The following ACER3 variants were observed in gnomAD, a reference collection of about 807,000 sequenced individuals.
The protein encoded by ACER3 is alkaline ceramidase 3.
In ACER3, 16 loss-of-function variants were observed where a neutral mutation model predicts 48.9. The ratio of observed to expected loss-of-function variants is 0.33; its 90% CI spans 0.22 to 0.50. ACER3 has a LOEUF of 0.50. Among genes scored for constraint, ACER3 ranks in the 20% least tolerant of loss-of-function variants. ACER3 has a pLI of 0.98. For missense variants in ACER3, 227 were observed against 326.0 expected (o/e 0.70, Z 2.34); for synonymous variants, 109 against 107.8 (o/e 1.01, Z -0.07).
intron 6 of ACER3, among the ~76,000 whole-genome samples, chr11:76,996,431 T>TA (rs1948912910): frequency 1.4e-5 from 2 of 141,036 alleles, no homozygotes; most frequent in Admixed American, 1.4e-4. Context: ...TTATTATTAT[T>TA]TTTTGAGACA....
At chr11:76,950,390 T>C (rs1947623282) in intron 2 of ACER3, among the ~76,000 whole-genome samples, 2 of 30,964 alleles carry the variant, frequency 6.5e-5, no homozygotes, top group South Asian at 1.0e-3. Context: ...TATATATATA[T>C]ATATATATAT....
intron 1 of ACER3, among the ~76,000 whole-genome samples, chr11:76,886,571 G>A (rs1245499674): frequency 6.6e-6 from 1 of 152,212 alleles, no homozygotes; most frequent in Non-Finnish European, 1.5e-5. Flanking sequence ...TGGCTGCAAA[G>A]GAGGATTTTG....
intron 1 of ACER3, among the ~76,000 whole-genome samples, chr11:76,902,048 AT>A (rs34230393): frequency 0.6 from 89,383 of 150,148 alleles, 28,717 homozygotes; most frequent in Non-Finnish European, 0.74. Context: ...CCCTTGTGGC[AT>A]TTTTTTTTTC....
At chr11:76,998,670 C>T (rs1223087941) in intron 6 of ACER3, 93 bp from the exon 7 acceptor site, 3 of 787,484 alleles carry the variant, frequency 3.8e-6, no homozygotes, top group African/African-American at 3.7e-5. Context: ...TAAATATTTA[C>T]ATTTAATTGG....
intron 2 of ACER3, among the ~76,000 whole-genome samples, chr11:76,944,767 G>A (rs1000590306): frequency 2.0e-5 from 3 of 152,064 alleles, no homozygotes; most frequent in Non-Finnish European, 4.4e-5. Flanking sequence ...GACTTGGAAA[G>A]TTTTTATTGA....
chr11:76,904,278 TG>T (rs1329838934), intron 1 of ACER3, among the ~76,000 whole-genome samples: 4 of 152,124 alleles, frequency 2.6e-5, no homozygotes, highest in African/African-American at 9.7e-5. Flanking sequence ...ATTACAGGCG[TG>T]AGCTACTGCA....
At chr11:76,898,500 C>T (rs1393603752) in intron 1 of ACER3, among the ~76,000 whole-genome samples, 1 of 152,114 alleles carries the variant, frequency 6.6e-6, no homozygotes, top group African/African-American at 2.4e-5. Context: ...TGCTGCTATG[C>T]CCAACTTATA....
intron 4 of ACER3, among the ~76,000 whole-genome samples, chr11:76,985,373 A>C (rs898046322): frequency 1.1e-4 from 17 of 152,006 alleles, no homozygotes; most frequent in Admixed American, 1.0e-3. Context: ...CGCCCAGCTA[A>C]CTCTCTATAC....
At chr11:76,908,450 A>G (rs1272284944) in intron 1 of ACER3, among the ~76,000 whole-genome samples, 2 of 92,474 alleles carry the variant, frequency 2.2e-5, no homozygotes, top group Non-Finnish European at 3.2e-5. Context: ...CTATACACCA[A>G]TAGTAGACAA....
intron 2 of ACER3, among the ~76,000 whole-genome samples, chr11:76,944,942 A>T (rs2134943527): frequency 6.6e-6 from 1 of 151,528 alleles, no homozygotes; most frequent in East Asian, 1.9e-4. Flanking sequence ...GGATTATTTC[A>T]AAAGACCTGT....
At chr11:76,935,722 G>T (rs952025996) in intron 2 of ACER3, among the ~76,000 whole-genome samples, 1 of 152,182 alleles carries the variant, frequency 6.6e-6, no homozygotes, top group Non-Finnish European at 1.5e-5. Flanking sequence ...GCTTCCTGAT[G>T]AATCTACTAT....
At chr11:76,957,869 G>A (rs915627820) in intron 2 of ACER3, among the ~76,000 whole-genome samples, 7 of 151,868 alleles carry the variant, frequency 4.6e-5, no homozygotes, top group African/African-American at 9.7e-5. Flanking sequence ...TTTATAAAAC[G>A]CTAAAATGAA....
chr11:77,006,676 AT>A (rs149915403), intron 7 of ACER3, among the ~76,000 whole-genome samples: 5 of 150,602 alleles, frequency 3.3e-5, no homozygotes, highest in Admixed American at 1.3e-4. Flanking sequence ...TGCCCTTCAC[AT>A]TTTTTTTAAT....
At position 77,025,394 on chromosome 11, in the gene ACER3, A is replaced by T. The variant is rs1260903394; in HGVS notation, c.*5067A>T. ...GTTATTTTATTTTATTTTATTCTTT[A>T]TATATATATATATATATTTATTTAT... On this transcript the variant is annotated 3_prime_UTR_variant, in exon 11 of 11. Coordinates refer to ENST00000532485, the MANE Select transcript of ACER3 (RefSeq NM_018367.7). 5 of 136,174 alleles carry T rather than the reference A, an allele frequency of 3.7e-5. No homozygotes were observed. Among genetic ancestry groups the T allele is most frequent in the African/African-American group, 9.6e-5 (3 of 31,322 alleles). The allele number at this position is 136,174 out of a possible 1,614,324, so 8.4% of individuals were successfully genotyped here.
At chr11:76,967,821 C>A (rs1321527591) in intron 3 of ACER3, among the ~76,000 whole-genome samples, 3 of 152,072 alleles carry the variant, frequency 2.0e-5, no homozygotes, top group East Asian at 1.9e-4. Context: ...TATGACAAAC[C>A]CACAGCCAAT....
chr11:76,922,418 G>C (rs942913086), intron 1 of ACER3, among the ~76,000 whole-genome samples: 2 of 152,056 alleles, frequency 1.3e-5, no homozygotes, highest in Non-Finnish European at 2.9e-5. Flanking sequence ...GGGCACTCCT[G>C]AATGGTAAAA....
intron 3 of ACER3, among the ~76,000 whole-genome samples, chr11:76,964,435 T>C (rs1285273994): frequency 1.3e-5 from 2 of 151,058 alleles, no homozygotes; most frequent in Non-Finnish European, 2.9e-5. Context: ...CAGACTTAAA[T>C]GTCCCTGTCT....
chr11:76,894,679 A>G (rs7103881), intron 1 of ACER3, among the ~76,000 whole-genome samples: 17,623 of 152,256 alleles, frequency 0.12, 3,365 homozygotes, highest in African/African-American at 0.4. Flanking sequence ...GCTGGGCCAT[A>G]TGACTGATTT....
In ACER3 at chr11:76,884,911, G is replaced by A. The variant is rs1945635279; in HGVS notation, c.103+23832G>A. Among the ~76,000 whole-genome samples the A allele has an allele frequency of 2.6e-5, 4 of 151,938 alleles. No individual in the cohort carries two copies. In the South Asian group the frequency reaches 8.3e-4, roughly 32 times the overall value. ...CTGGGATAGCTAGGACTACAGGCAT[G>A]TGCCACCATGCCCAGCTAATTTTTT... On this transcript the variant is annotated intron_variant, in intron 1 of 10. Transcript: ENST00000532485.
Sources: gnomAD v4.1 joint callset for allele counts (sites outside exome capture counted in the v4.1 genomes callset) on GRCh38, gnomAD v4.1.1 for gene constraint, MANE v1.5 for transcripts, NCBI Gene and HGNC (gene_info 2026-07-23, HGNC 2026-07-21) for gene names.